The following NALF1 variants were observed in gnomAD, a reference collection of about 807,000 sequenced individuals.
The protein encoded by NALF1 is family with sequence similarity 155 member A.
A neutral mutation model predicts 48.4 loss-of-function variants in NALF1; 3 were observed. The observed-to-expected ratio is 0.06, with a 90% CI of 0.03 to 0.16. NALF1 has a LOEUF of 0.16. NALF1 is among the 10% of genes least tolerant of loss of function. The pLI is 1.00. For synonymous variants in NALF1, 262 were observed against 245.7 expected, an observed-to-expected ratio of 1.07 and a Z score of -0.62; for missense variants, 526 against 571.5, an observed-to-expected ratio of 0.92 and a Z score of 0.81.
chr13:107,795,794 C>T (rs1878404888), intron 1 of NALF1, among the ~76,000 whole-genome samples: 1 of 152,166 alleles, frequency 6.6e-6, no homozygotes, highest in South Asian at 2.1e-4. Flanking sequence ...TATACTGTCC[C>T]TTGAACATAA....
At position 107,178,806 on chromosome 13, in the gene NALF1, G is replaced by T. The variant is rs141311967; in HGVS notation, c.1088-8020C>A. Among the ~76,000 whole-genome samples the T allele has an allele frequency of 4.0e-3, 615 of 152,170 alleles. 5 individuals carry two copies. The highest frequency in any genetic ancestry group is 0.014 in the African/African-American group (579 of 41,526). On this transcript the variant is annotated intron_variant, in intron 2 of 2. Coordinates refer to ENST00000375915, the MANE Select transcript of NALF1 (RefSeq NM_001080396.3). ...AAAATACAAAAAAAATTAGCCGGGC[G>T]TGGTGGCGGGTGCCTGTAGTCGCAG...
At chr13:107,556,377 AAAAT>A (rs553285826) in intron 1 of NALF1, among the ~76,000 whole-genome samples, 1 of 151,778 alleles carries the variant, frequency 6.6e-6, no homozygotes, top group Non-Finnish European at 1.5e-5. Flanking sequence ...AGAGTCTTAG[AAAAT>A]AATATTTGGA....
At chr13:107,549,370 G>C (rs1389048295) in intron 1 of NALF1, among the ~76,000 whole-genome samples, 1 of 152,136 alleles carries the variant, frequency 6.6e-6, no homozygotes. Context: ...AAATTTTTAA[G>C]AGGTTGCCAT....
intron 1 of NALF1, among the ~76,000 whole-genome samples, chr13:107,777,504 G>C (rs1233136640): frequency 6.6e-6 from 1 of 152,178 alleles, no homozygotes; most frequent in Non-Finnish European, 1.5e-5. Context: ...TTATGATAGT[G>C]AGTGAGTTCT....
intron 1 of NALF1, among the ~76,000 whole-genome samples, chr13:107,838,469 AT>A (rs1879962955): frequency 6.6e-6 from 1 of 152,156 alleles, no homozygotes; most frequent in Admixed American, 6.5e-5. Context: ...GCATTTGGAA[AT>A]CAGTTTGCTT....
intron 1 of NALF1, among the ~76,000 whole-genome samples, chr13:107,812,801 T>C (rs2138608238): frequency 6.6e-6 from 1 of 152,268 alleles, no homozygotes; most frequent in Admixed American, 6.5e-5. Flanking sequence ...TTTTGTTTGT[T>C]GGTTGGTTCG....
chr13:107,309,071 C>G (rs1183492205), intron 1 of NALF1, among the ~76,000 whole-genome samples: 1 of 152,170 alleles, frequency 6.6e-6, no homozygotes, highest in Non-Finnish European at 1.5e-5. Context: ...AGAAATGTAC[C>G]TGTCTATTTG....
At chr13:107,322,347 A>G (rs1882273394) in intron 1 of NALF1, among the ~76,000 whole-genome samples, 2 of 152,290 alleles carry the variant, frequency 1.3e-5, no homozygotes, top group South Asian at 4.1e-4. Context: ...AACCATAAAG[A>G]AGTCTTAGAA....
chr13:107,213,230 C>CAAAAAAAAAAAAATAAAAA (rs1879799901), intron 1 of NALF1, among the ~76,000 whole-genome samples: 1 of 103,384 alleles, frequency 9.7e-6, no homozygotes, highest in South Asian at 4.0e-4. Flanking sequence ...TTTTTTAACT[C>CAAAAAAAAAAAAATAAAAA]AAAAAAAAAA....
chr13:107,364,409 T>C (rs1304897217), intron 1 of NALF1, among the ~76,000 whole-genome samples: 2 of 152,196 alleles, frequency 1.3e-5, no homozygotes, highest in Non-Finnish European at 2.9e-5. Context: ...TGTCCACATA[T>C]GTAACATATT....
chr13:107,601,773 T>C (rs1398989925), intron 1 of NALF1, among the ~76,000 whole-genome samples: 1 of 152,012 alleles, frequency 6.6e-6, no homozygotes, highest in Non-Finnish European at 1.5e-5. Flanking sequence ...AAAATCACTA[T>C]TGGTAGGAAA....
intron 1 of NALF1, among the ~76,000 whole-genome samples, chr13:107,724,686 T>C (rs1209923922): frequency 6.6e-6 from 1 of 152,078 alleles, no homozygotes; most frequent in Admixed American, 6.6e-5. Context: ...CTCAGCCTCC[T>C]GAATAGCTGG....
intron 1 of NALF1, among the ~76,000 whole-genome samples, chr13:107,296,659 T>TA (rs1415977735): frequency 1.3e-5 from 2 of 152,204 alleles, no homozygotes; most frequent in Non-Finnish European, 2.9e-5. Flanking sequence ...AACTGACACT[T>TA]AGACTTCACT....
chr13:107,225,557 G>A (rs1566456879), intron 1 of NALF1, among the ~76,000 whole-genome samples: 1 of 151,062 alleles, frequency 6.6e-6, no homozygotes, highest in African/African-American at 2.4e-5. Flanking sequence ...CATTACAGGC[G>A]TGAACCACAG....
chr13:107,748,617 T>C (rs990880276), intron 1 of NALF1, among the ~76,000 whole-genome samples: 1 of 152,192 alleles, frequency 6.6e-6, no homozygotes, highest in Non-Finnish European at 1.5e-5. Flanking sequence ...GACAATTAAT[T>C]AGTACCCATT....
At chr13:107,655,763 T>C (rs1288807181) in intron 1 of NALF1, among the ~76,000 whole-genome samples, 1 of 152,080 alleles carries the variant, frequency 6.6e-6, no homozygotes, top group Non-Finnish European at 1.5e-5. Context: ...CAAACTATAC[T>C]ATAAGGCCAT....
At chr13:107,462,395 G>A (rs1884934135) in intron 1 of NALF1, among the ~76,000 whole-genome samples, 1 of 152,190 alleles carries the variant, frequency 6.6e-6, no homozygotes, top group Non-Finnish European at 1.5e-5. Flanking sequence ...TTGAAGAAAT[G>A]TTAGATTACA....
chr13:107,528,423 G>A (rs1173295469), intron 1 of NALF1, among the ~76,000 whole-genome samples: 1 of 152,080 alleles, frequency 6.6e-6, no homozygotes, highest in East Asian at 1.9e-4. Context: ...CGTTCTTTTA[G>A]ATTAAAACAT....
At chr13:107,767,693 C>T (rs1877453991) in intron 1 of NALF1, among the ~76,000 whole-genome samples, 1 of 152,156 alleles carries the variant, frequency 6.6e-6, no homozygotes. Context: ...TAAAGTATCA[C>T]AATTAGGAAA....
Sources: gnomAD v4.1 joint callset for allele counts (sites outside exome capture counted in the v4.1 genomes callset) on GRCh38, gnomAD v4.1.1 for gene constraint, MANE v1.5 for transcripts, NCBI Gene and HGNC (gene_info 2026-07-23, HGNC 2026-07-21) for gene names.